The following STPG2 variants were observed in gnomAD, a reference collection of about 807,000 sequenced individuals.
STPG2 encodes the protein sperm tail PG-rich repeat containing 2.
A neutral mutation model predicts 54.2 loss-of-function variants in STPG2; 56 were observed. The observed-to-expected ratio is 1.03, with a 90% CI of 0.83 to 1.29. STPG2 has a LOEUF of 1.29. STPG2 is among the 50% of genes most tolerant of loss of function. The probability of loss-of-function intolerance (pLI) is 0.00; values close to 1 mark genes in which losing one functional copy is unlikely to be tolerated. For missense variants in STPG2, 596 were observed against 544.9 expected (o/e 1.09, Z -0.93); for synonymous variants, 200 against 181.8 (o/e 1.10, Z -0.81).
intron 5 of STPG2, among the ~76,000 whole-genome samples, chr4:98,058,606 A>G (rs968182259): frequency 1.2e-4 from 19 of 152,066 alleles, no homozygotes; most frequent in African/African-American, 3.9e-4. Flanking sequence ...TCTCAAATAA[A>G]AATAGTGGGA....
chr4:97,816,096 G>A (rs1727900822), intron 9 of STPG2, among the ~76,000 whole-genome samples: 1 of 151,960 alleles, frequency 6.6e-6, no homozygotes, highest in South Asian at 2.1e-4. Context: ...TGTTCTCATT[G>A]TTCAACTCCC....
At chr4:97,816,702 TTTCC>T (rs538965512) in intron 9 of STPG2, among the ~76,000 whole-genome samples, 8 of 151,548 alleles carry the variant, frequency 5.3e-5, no homozygotes, top group Admixed American at 2.0e-4. Flanking sequence ...TCTATCTTCC[TTTCC>T]TTCCTTCCTT....
chr4:98,057,094 A>C (rs1737507636), intron 5 of STPG2, among the ~76,000 whole-genome samples: 1 of 152,210 alleles, frequency 6.6e-6, no homozygotes, highest in Admixed American at 6.5e-5. Context: ...GCCCACAAAG[A>C]TGAGAAAGAA....
chr4:97,931,144 C>T (rs1356390814), intron 8 of STPG2, among the ~76,000 whole-genome samples: 3 of 152,326 alleles, frequency 2.0e-5, no homozygotes, highest in Middle Eastern at 3.4e-3. Flanking sequence ...TATAGTTTGG[C>T]TTCCTCTCTT....
chr4:98,026,390 C>T, intron 5 of STPG2: 1 of 421,212 alleles, frequency 2.4e-6, no homozygotes, highest in East Asian at 4.7e-5. Context: ...TCCTCTTTGG[C>T]CTAGGTTTTA....
intron 8 of STPG2, among the ~76,000 whole-genome samples, chr4:97,909,727 C>T (rs1001575398): frequency 1.6e-4 from 24 of 151,864 alleles, no homozygotes; most frequent in Admixed American, 7.2e-4. Context: ...TGAAAAAATG[C>T]TTAATAAAAT....
At chr4:97,506,516 T>TA (rs371379842) in intron 4 of STPG2, among the ~76,000 whole-genome samples, 2,916 of 150,802 alleles carry the variant, frequency 0.019, 65 homozygotes, top group African/African-American at 0.058. Flanking sequence ...TAGGCAGAAA[T>TA]AAAAAAAAAC....
chr4:98,002,562 T>C (rs1735444515), intron 5 of STPG2, among the ~76,000 whole-genome samples: 2 of 151,978 alleles, frequency 1.3e-5, no homozygotes, highest in South Asian at 4.1e-4. Context: ...AAAATGAAGA[T>C]GAGGTCATCA....
intron 7 of STPG2, among the ~76,000 whole-genome samples, chr4:97,958,711 C>T (rs547721953): frequency 1.3e-5 from 2 of 152,166 alleles, no homozygotes; most frequent in South Asian, 4.2e-4. Flanking sequence ...CTGGAGCTCC[C>T]AAATTTATAA....
chr4:98,138,318 T>G (rs980555157), intron 1 of STPG2, among the ~76,000 whole-genome samples: 3 of 152,076 alleles, frequency 2.0e-5, no homozygotes, highest in Admixed American at 6.6e-5. Flanking sequence ...AAGTGCTAAC[T>G]ACAAATTATA....
chr4:98,100,574 C>T (rs150133778), intron 5 of STPG2, among the ~76,000 whole-genome samples: 165 of 150,652 alleles, frequency 1.1e-3, no homozygotes, highest in African/African-American at 3.8e-3. Flanking sequence ...ATCTGCTGAA[C>T]TTAAAGAGCC....
intron 5 of STPG2, among the ~76,000 whole-genome samples, chr4:98,013,529 T>C (rs1735824805): frequency 6.7e-6 from 1 of 149,528 alleles, no homozygotes; most frequent in African/African-American, 2.4e-5. Context: ...TAGTACCAGC[T>C]CCTCTTTGTA....
At chr4:97,862,982 C>T (rs999724459) in intron 8 of STPG2, among the ~76,000 whole-genome samples, 2 of 152,094 alleles carry the variant, frequency 1.3e-5, no homozygotes, top group Admixed American at 1.3e-4. Context: ...TAAATGCCCA[C>T]AACAGAAAGC....
intron 4 of STPG2, among the ~76,000 whole-genome samples, chr4:97,550,892 G>C (rs1731950630): frequency 6.6e-6 from 1 of 152,138 alleles, no homozygotes; most frequent in Non-Finnish European, 1.5e-5. Flanking sequence ...GACTTCAGGA[G>C]TGAAGCTGTA....
In STPG2 at chr4:98,091,365, C is replaced by T. The variant is rs183366422; in HGVS notation, c.612+14588G>A. Among the ~76,000 whole-genome samples, 197 of 152,152 alleles carry T rather than the reference C, an allele frequency of 1.3e-3. 1 individual carries two copies. Among genetic ancestry groups the T allele is most frequent in the African/African-American group, 4.6e-3 (190 of 41,540 alleles). On this transcript the variant is annotated intron_variant, in intron 5 of 10. Transcript: ENST00000295268. ...AAAATGTTTACCGGCCCAAAATCTC[C>T]TATAGATAAAAATACAAGTTGCTTT...
intron 9 of STPG2, among the ~76,000 whole-genome samples, chr4:97,799,677 C>T (rs1727316713): frequency 6.6e-6 from 1 of 152,244 alleles, no homozygotes; most frequent in East Asian, 1.9e-4. Flanking sequence ...TTGCTCTTCT[C>T]AAGGAGTATC....
At chr4:97,914,771 C>G (rs1731810311) in intron 8 of STPG2, among the ~76,000 whole-genome samples, 1 of 152,176 alleles carries the variant, frequency 6.6e-6, no homozygotes, top group South Asian at 2.1e-4. Context: ...CTCCAATGAG[C>G]ATTTTCTTTG....
intron 10 of STPG2, among the ~76,000 whole-genome samples, chr4:97,619,176 C>T (rs1194500976): frequency 6.6e-6 from 1 of 151,680 alleles, no homozygotes; most frequent in East Asian, 1.9e-4. Flanking sequence ...TCAAAGTATC[C>T]CTATTCAAAT....
At chr4:97,678,345 T>C (rs886336530) in intron 10 of STPG2, among the ~76,000 whole-genome samples, 8 of 151,928 alleles carry the variant, frequency 5.3e-5, no homozygotes, top group African/African-American at 1.9e-4. Flanking sequence ...TTAGTAAGAA[T>C]AAAATTAGCA....
Sources: allele counts gnomAD v4.1 joint callset (sites outside exome capture counted in the v4.1 genomes callset), GRCh38; gene constraint gnomAD v4.1.1; transcripts MANE v1.5; gene names NCBI Gene and HGNC (gene_info 2026-07-23, HGNC 2026-07-21).